Variants in PLEKHA4 observed in about 807,000 individuals in gnomAD.
PLEKHA4 encodes pleckstrin homology domain-containing family A member 4.
A neutral mutation model predicts 94.7 loss-of-function variants in PLEKHA4; 73 were observed. The observed-to-expected ratio is 0.77, with a 90% CI of 0.64 to 0.94. The LOEUF (loss-of-function observed/expected upper bound fraction) is 0.94. PLEKHA4 is among the 40% of genes least tolerant of loss of function. The pLI, the probability that PLEKHA4 is intolerant of heterozygous loss-of-function variation, is 0.00. For missense variants in PLEKHA4, 1,049 were observed against 1,054.1 expected, an observed-to-expected ratio of 1.00 and a Z score of 0.07; for synonymous variants, 449 against 437.1, an observed-to-expected ratio of 1.03 and a Z score of -0.34.
chr19:48,841,066 T>TC lies in PLEKHA4; in HGVS notation c.1905+82dup. 3 of 1,351,492 alleles carry TC rather than the reference T, an allele frequency of 2.2e-6. No homozygotes were observed. In the South Asian group the frequency reaches 4.0e-5, roughly 18 times the overall value. The allele number at this position is 1,351,492 out of a possible 1,614,324, so 83.7% of individuals were successfully genotyped here. On this transcript the variant is annotated intron_variant, in intron 17 of 19. Coordinates refer to ENST00000263265, the MANE Select transcript of PLEKHA4 (RefSeq NM_020904.3). ...TTGGAGGAAGGAGGTAGTGATTATC[T>TC]CCATTTTACAGAAAGGGACTCAAAG...
chr19:48,848,150 G>C (rs1348633205), intron 13 of PLEKHA4, 110 bp from the exon 14 acceptor site: 2 of 1,238,604 alleles, frequency 1.6e-6, no homozygotes, highest in Non-Finnish European at 2.3e-6. Context: ...TTATGGAGTT[G>C]GGATTTATTT....
In PLEKHA4 at chr19:48,837,688, C is replaced by T. The variant is rs1236404583; in HGVS notation, c.2078-137G>A. ...CAGACCCAGGAGTCCAGGCCCCCAG[C>T]CCCTCCTCCCTCAGACCCAGGAGTC... is the stretch of plus-strand genomic sequence containing the variant. On this transcript the variant is annotated intron_variant, in intron 19 of 19. Transcript: ENST00000263265. The surrounding 1 kb of genome is among the most constrained non-coding windows in gnomAD (Gnocchi z 4.3). 4 of 1,077,122 alleles carry T rather than the reference C, an allele frequency of 3.7e-6. No homozygotes were observed. Among genetic ancestry groups the T allele is most frequent in the Non-Finnish European group, 4.1e-6 (3 of 735,450 alleles). 66.7% of individuals were successfully genotyped at this position (1,077,122 alleles called of 1,614,324 possible).
intron 12 of PLEKHA4, among the ~76,000 whole-genome samples, chr19:48,853,258 C>T (rs1169113650): frequency 6.6e-6 from 1 of 152,102 alleles, no homozygotes; most frequent in Non-Finnish European, 1.5e-5. Flanking sequence ...AGGCCGGGCG[C>T]AGTGGCTCAT....
At chr19:48,847,830 G>A in intron 14 of PLEKHA4, 70 bp downstream of exon 14, 1 of 1,465,946 alleles carries the variant, frequency 6.8e-7, no homozygotes, top group South Asian at 1.4e-5. Context: ...AGAGGTGGGT[G>A]GGGAATAGAC....
At chr19:48,861,313 T>G in intron 5 of PLEKHA4, 88 bp downstream of exon 5, 1 of 1,090,152 alleles carries the variant, frequency 9.2e-7, no homozygotes, top group Non-Finnish European at 1.4e-6. Context: ...CAGTGCTTGT[T>G]AGGACTTGGA....
intron 13 of PLEKHA4, among the ~76,000 whole-genome samples, chr19:48,850,453 G>A (rs917754478): frequency 2.0e-4 from 30 of 152,024 alleles, no homozygotes; most frequent in African/African-American, 6.5e-4. Flanking sequence ...GCAGTGAGTC[G>A]AGATTGTGCC....
chr19:48,860,389 C>T lies in PLEKHA4; in HGVS notation c.437G>A (p.Arg146Gln), dbSNP rs772051877. 3 of 1,614,078 alleles carry T rather than the reference C, an allele frequency of 1.9e-6. No homozygotes were observed. The highest frequency in any genetic ancestry group is 1.6e-4 in the Middle Eastern group (1 of 6,062). The change falls in exon 6 of 20, where the codon CGG (arginine) becomes CAG (glutamine). Residue 146 changes from arginine to glutamine, a missense_variant. Arg to Gln is a conservative substitution (Grantham distance 43). Transcript: ENST00000263265. ...DTLEDLRGWL[R>Q]ALGRASRAEG... Reference sequence around the variant, plus strand: ...CGCACGGGAGGCCCGGCCCAGCGCCCGTAGCCAGCCCCGCAGGTCTTCTAA... The same window carrying T: ...CGCACGGGAGGCCCGGCCCAGCGCCTGTAGCCAGCCCCGCAGGTCTTCTAA...
intron 5 of PLEKHA4, 22 bp downstream of exon 5, chr19:48,861,379 C>T: frequency 6.2e-7 from 1 of 1,601,852 alleles, no homozygotes; most frequent in Non-Finnish European, 8.5e-7. Flanking sequence ...GCCTGGTGCA[C>T]AACATGGATG....
intron 13 of PLEKHA4, among the ~76,000 whole-genome samples, chr19:48,849,580 A>G (rs2036102663): frequency 6.6e-6 from 1 of 152,172 alleles, no homozygotes; most frequent in Non-Finnish European, 1.5e-5. Context: ...AAGTGCTGGG[A>G]CTACAGGCGT....
intron 7 of PLEKHA4, 58 bp from the exon 8 acceptor site, chr19:48,859,197 C>T: frequency 6.9e-6 from 9 of 1,305,684 alleles, no homozygotes; most frequent in Non-Finnish European, 3.2e-6. Context: ...CATCCACCTC[C>T]TTACCCATCA....
rs61755449 is a variant in PLEKHA4, at chr19:48,845,585, G to C, written c.1598C>G (p.Pro533Arg). 0.013 allele frequency: 21,000 copies of C among 1,605,424 alleles called. 237 individuals carry two copies. Among genetic ancestry groups the C allele is most frequent in the Middle Eastern group, 0.034 (201 of 5,948 alleles). Reference protein sequence around the residue: ...SLPESLELSSPRSPETDWGRP... With the variant: ...SLPESLELSSRRSPETDWGRP... ...CCCCCAGTCAGTCTCGGGGGACCTAGGGGAGCTCAGTTCCAAGGACTCTGG... is the reference window on the plus strand; with the variant it reads ...CCCCCAGTCAGTCTCGGGGGACCTACGGGAGCTCAGTTCCAAGGACTCTGG... Residue 533 changes from proline (P) to arginine (R), a missense_variant, in exon 15 of 20, where the codon CCT (proline) becomes CGT (arginine). By Grantham distance (103) the Pro-to-Arg change is moderately radical. Transcript: ENST00000263265.
At chr19:48,850,992 T>C (rs1416565056) in intron 13 of PLEKHA4, among the ~76,000 whole-genome samples, 1 of 150,284 alleles carries the variant, frequency 6.7e-6, no homozygotes, top group African/African-American at 2.4e-5. Context: ...AATAGAAAAA[T>C]TAACCGGGCA....
chr19:48,867,559 G>T lies in PLEKHA4; in HGVS notation c.62C>A (p.Ser21Ter). Reference sequence around the variant, plus strand: ...AACCTTGGGGCTCAGGCTGCTGAGCGAGGAGATGGTGGAGGCGCTGCTGGC... The same window carrying T: ...AACCTTGGGGCTCAGGCTGCTGAGCTAGGAGATGGTGGAGGCGCTGCTGGC... ...SLASSASTIS[S>*]LSSLSPKKPT... Residue 21 changes from serine to a stop codon, truncating the protein, a stop_gained, in exon 2 of 20, where the codon TCG becomes TAG. Coordinates refer to ENST00000263265, the MANE Select transcript of PLEKHA4 (RefSeq NM_020904.3). LOFTEE classifies it high-confidence loss of function. The surrounding 1 kb of genome is among the most constrained non-coding windows in gnomAD (Gnocchi z 4.7). 1.2e-6 allele frequency: 2 copies of T among 1,601,578 alleles called. No homozygotes were observed. The highest frequency in any genetic ancestry group is 1.7e-5 in the Admixed American group (1 of 57,780).
Position 48,867,432 on chromosome 19 carries a change from G to T in PLEKHA4, c.84+105C>A, listed in dbSNP as rs2036870597. The T allele has an allele frequency of 6.0e-6, 8 of 1,339,262 alleles. No homozygotes were observed. Among genetic ancestry groups the T allele is most frequent in the Non-Finnish European group, 5.1e-6 (5 of 978,778 alleles). 83.0% of individuals were successfully genotyped at this position (1,339,262 alleles called of 1,614,324 possible). Reference sequence around the variant, plus strand: ...GACCTTACTATGTCTGGCAGACCCCGTTGCTAAGGATCTTTGTCCTTAACA... The same window carrying T: ...GACCTTACTATGTCTGGCAGACCCCTTTGCTAAGGATCTTTGTCCTTAACA... On this transcript the variant is annotated intron_variant, in intron 2 of 19. Coordinates refer to ENST00000263265, the MANE Select transcript of PLEKHA4 (RefSeq NM_020904.3). The surrounding 1 kb of genome is among the most constrained non-coding windows in gnomAD (Gnocchi z 4.7).
intron 3 of PLEKHA4, 85 bp downstream of exon 3, chr19:48,865,418 C>A: frequency 1.1e-6 from 1 of 895,798 alleles, no homozygotes; most frequent in South Asian, 1.5e-5. Flanking sequence ...AAAAAGAAAG[C>A]CTATTTGGGG....
At position 48,838,103 on chromosome 19, in the gene PLEKHA4, G is replaced by C; in HGVS notation, c.1991C>G (p.Pro664Arg). The change falls in exon 19 of 20, where the codon CCG becomes CGG. Residue 664 changes from proline to arginine, a missense_variant. Pro to Arg is a moderately radical substitution (Grantham distance 103). Transcript: ENST00000263265. ...CCGCTCCCGGTGACCTTCGGAAGTC[G>C]GCAAGTAAGGGGTGGTGTTCCTTGG... ...SSPRNTTPYL[P>R]TSEGHRERVL... The C allele has an allele frequency of 6.2e-7, 1 of 1,613,078 alleles. No individual in the cohort carries two copies. Among genetic ancestry groups the C allele is most frequent in the Non-Finnish European group, 8.5e-7 (1 of 1,179,644 alleles).
intron 3 of PLEKHA4, 30 bp from the exon 4 acceptor site, chr19:48,861,722 A>C (rs1339782720): frequency 6.3e-7 from 1 of 1,586,142 alleles, no homozygotes; most frequent in Non-Finnish European, 8.7e-7. Flanking sequence ...GAGGGGCCTG[A>C]GTAAAGGGAA....
intron 16 of PLEKHA4, among the ~76,000 whole-genome samples, chr19:48,844,119 T>TTTTTTATTA (rs368698787): frequency 7.4e-6 from 1 of 134,892 alleles, no homozygotes; most frequent in African/African-American, 2.8e-5. Context: ...CCTTATTTAT[T>TTTTTTATTA]TTATTATTAT....
At chr19:48,840,638 TG>T (rs2035724682) in intron 17 of PLEKHA4, among the ~76,000 whole-genome samples, 1 of 151,928 alleles carries the variant, frequency 6.6e-6, no homozygotes, top group Non-Finnish European at 1.5e-5. Context: ...TTGGTCAGGC[TG>T]GTCTTGAACT....
Sources: allele counts gnomAD v4.1 joint callset (sites outside exome capture counted in the v4.1 genomes callset), GRCh38; gene constraint gnomAD v4.1.1; non-coding constraint Gnocchi (gnomAD v3.1); transcripts MANE v1.5; gene names NCBI Gene and HGNC (gene_info 2026-07-23, HGNC 2026-07-21).